Variants in STK3 observed in about 807,000 individuals in gnomAD.
STK3 encodes the protein serine/threonine-protein kinase 3.
Under a neutral mutation model 58.0 loss-of-function variants are expected in STK3, and 41 were observed. The ratio of observed to expected loss-of-function variants is 0.71; its 90% CI spans 0.55 to 0.92. STK3 has a LOEUF of 0.92. Ranked by LOEUF, STK3 falls within the 40% of genes least tolerant of loss-of-function variation. The probability of loss-of-function intolerance (pLI) is 0.00; values close to 1 mark genes in which losing one functional copy is unlikely to be tolerated. For synonymous variants in STK3, 170 were observed against 191.0 expected (o/e 0.89, Z 0.91); for missense variants, 479 against 602.7 (o/e 0.79, Z 2.15).
intron 1 of STK3, among the ~76,000 whole-genome samples, chr8:98,810,839 C>A (rs910671791): frequency 6.6e-6 from 1 of 152,070 alleles, no homozygotes; most frequent in African/African-American, 2.4e-5. Context: ...TTGTCCCTGG[C>A]GATGAGTGAG....
rs541808213 is a variant in STK3 at position 98,815,759 on chromosome 8, C to G, written c.26+9756G>C. ...TTGTAAATAAAAGGAAAGAATCAAA[C>G]ATTTATCCTGTCTTTCCTTTATCAA... On this transcript the variant is annotated intron_variant, in intron 1 of 10. Coordinates refer to ENST00000419617, the MANE Select transcript of STK3 (RefSeq NM_006281.4). Among the ~76,000 whole-genome samples the G allele has an allele frequency of 3.3e-5, 5 of 152,284 alleles. No homozygotes were observed. In the East Asian group the frequency reaches 9.6e-4, roughly 29 times the overall value.
intron 3 of STK3, among the ~76,000 whole-genome samples, chr8:98,850,375 A>G (rs918897746): frequency 6.6e-6 from 1 of 152,142 alleles, no homozygotes; most frequent in Non-Finnish European, 1.5e-5. Context: ...TGCTCTGGGT[A>G]TTGGGCTGGG....
chr8:98,889,433 CA>C (rs1342571296), intron 1 of STK3, among the ~76,000 whole-genome samples: 3 of 152,188 alleles, frequency 2.0e-5, no homozygotes, highest in African/African-American at 7.2e-5. Context: ...CTACATTTCC[CA>C]AAGTTCTCTT....
chr8:98,704,566 TA>T lies in STK3; in HGVS notation c.684+1900del, dbSNP rs202034840. ...TTGAAAAACTGGTAGGATTTAGATT[TA>T]AAAAAAAAAAAACAGTGAGCAAGGC... is the stretch of plus-strand genomic sequence containing the variant. On this transcript the variant is annotated intron_variant, in intron 6 of 10. Transcript: ENST00000419617. 6.9e-3 allele frequency among the ~76,000 whole-genome samples: 963 copies of T among 140,442 alleles called. 6 individuals carry two copies. Among genetic ancestry groups the T allele is most frequent in the Non-Finnish European group, 0.01 (666 of 64,016 alleles). The allele number at this position is 140,442 out of a possible 152,430, so 92.1% of individuals were successfully genotyped here. A position where few individuals can be genotyped will look rare whatever the true frequency, so the allele number is the denominator to read the frequency against.
At chr8:98,827,987 T>C (rs1027362872), upstream of STK3, among the ~76,000 whole-genome samples, 1 of 141,762 alleles carries the variant, frequency 7.1e-6, no homozygotes, top group African/African-American at 2.6e-5. Context: ...TACTCCCAGC[T>C]TTTTTTTTTT....
At chr8:98,739,186 G>A in intron 4 of STK3, among the ~76,000 whole-genome samples, 1 of 152,244 alleles carries the variant, frequency 6.6e-6, no homozygotes, top group Non-Finnish European at 1.5e-5. Context: ...CAAAAAGACA[G>A]CAGTAACCTC....
At chr8:98,822,989 C>T (rs1221599511) in intron 1 of STK3, among the ~76,000 whole-genome samples, 1 of 152,214 alleles carries the variant, frequency 6.6e-6, no homozygotes, top group African/African-American at 2.4e-5. Context: ...GATTGTACCC[C>T]TCCATCTCAA....
chr8:98,473,627 G>A (rs970653752), intron 10 of STK3, among the ~76,000 whole-genome samples: 6 of 152,020 alleles, frequency 3.9e-5, no homozygotes, highest in South Asian at 2.1e-4. Context: ...TTGTTAGGTC[G>A]CCAAAGTTAA....
Position 98,428,122 on chromosome 8 carries a change from T to C in STK3, n.483+6005A>G. On this transcript the variant is annotated intron_variant and non_coding_transcript_variant, in intron 3 of 3. Transcript: ENST00000517832. The surrounding 1 kb of genome is among the most constrained non-coding windows in gnomAD (Gnocchi z 6.7). ...GAGACGCGCCTGGGCCGCTTGCTGC[T>C]CTGCCACTCGCGCGAGGCCATTCTG... is the stretch of plus-strand genomic sequence containing the variant. 1 of 1,613,916 alleles carries C rather than the reference T, an allele frequency of 6.2e-7. No individual in the cohort carries two copies. The highest frequency in any genetic ancestry group is 8.5e-7 in the Non-Finnish European group (1 of 1,180,002).
intron 4 of STK3, among the ~76,000 whole-genome samples, chr8:98,736,438 C>T (rs1424421875): frequency 6.6e-6 from 1 of 152,136 alleles, no homozygotes; most frequent in Admixed American, 6.5e-5. Flanking sequence ...CCTGATAAAA[C>T]AGTGACAAGG....
At chr8:98,545,393 G>A (rs932175486) in intron 9 of STK3, among the ~76,000 whole-genome samples, 3 of 152,172 alleles carry the variant, frequency 2.0e-5, no homozygotes, top group African/African-American at 7.2e-5. Flanking sequence ...GAGGGTAAAA[G>A]TAATGCCATC....
chr8:98,461,640 T>G (rs930810042), intron 10 of STK3, among the ~76,000 whole-genome samples: 1 of 152,254 alleles, frequency 6.6e-6, no homozygotes, highest in African/African-American at 2.4e-5. Flanking sequence ...CGTTTCATGA[T>G]TCAGAACTCC....
At chr8:98,562,478 T>C (rs960375657) in intron 8 of STK3, among the ~76,000 whole-genome samples, 6 of 151,858 alleles carry the variant, frequency 4.0e-5, no homozygotes, top group African/African-American at 1.5e-4. Context: ...AAACTATAAA[T>C]GGTAAACAGA....
rs1348488161 is a variant in STK3 at position 98,914,102 on chromosome 8, T to C, written c.-79+28276A>G. ...AGTTTATCACTATGCAATATGTCCA[T>C]GTAACACATCTGCACTTGTACTCCC... On this transcript the variant is annotated intron_variant, in intron 1 of 1. Transcript: ENST00000519420. 2.7e-5 allele frequency among the ~76,000 whole-genome samples: 4 copies of C among 150,530 alleles called. No homozygotes were observed. In the South Asian group the frequency reaches 6.3e-4, roughly 24 times the overall value.
chr8:98,846,909 G>GC (rs976231408), intron 3 of STK3, among the ~76,000 whole-genome samples: 3 of 150,708 alleles, frequency 2.0e-5, no homozygotes, highest in Non-Finnish European at 4.4e-5. Context: ...TTTAAAAAGT[G>GC]CCCCCCCATG....
At chr8:98,437,878 A>G (rs1165804426) in intron 1 of STK3, 1 of 152,130 alleles carries the variant, frequency 6.6e-6, no homozygotes, top group Non-Finnish European at 1.5e-5. Context: ...CACAAAACCA[A>G]GGGTGTCCCT....
At chr8:98,858,353 G>GAGAC (rs1836785037) in intron 3 of STK3, among the ~76,000 whole-genome samples, 1 of 137,236 alleles carries the variant, frequency 7.3e-6, no homozygotes, top group African/African-American at 2.7e-5. Context: ...GAGAGAGAGA[G>GAGAC]AGAGAGACAG....
intron 8 of STK3, among the ~76,000 whole-genome samples, chr8:98,567,985 G>C (rs1812629686): frequency 6.6e-6 from 1 of 151,992 alleles, no homozygotes; most frequent in Admixed American, 6.6e-5. Context: ...TTGAACCCAG[G>C]AGGTGGAGGT....
At chr8:98,381,219 C>T (rs559709873) in intron 1 of STK3, among the ~76,000 whole-genome samples, 1 of 152,200 alleles carries the variant, frequency 6.6e-6, no homozygotes, top group African/African-American at 2.4e-5. Flanking sequence ...GATCCACCTG[C>T]CTCAGCCTCC....
Sources: allele counts gnomAD v4.1 joint callset (sites outside exome capture counted in the v4.1 genomes callset), GRCh38; gene constraint gnomAD v4.1.1; non-coding constraint Gnocchi (gnomAD v3.1); transcripts MANE v1.5; gene names NCBI Gene and HGNC (gene_info 2026-07-23, HGNC 2026-07-21).